Variants in SNED1 observed in about 807,000 individuals in gnomAD.
The protein encoded by SNED1 is sushi, nidogen and EGF like domains 1, also known as sushi, nidogen and EGF-like domain-containing protein 1.
SNED1 carries 81 observed loss-of-function variants against 166.7 expected under a neutral mutation model. The observed-to-expected ratio is 0.49, with a 90% CI of 0.41 to 0.58. SNED1 has a LOEUF of 0.58. Among genes scored for constraint, SNED1 ranks in the 20% least tolerant of loss-of-function variants. SNED1 has a pLI of 0.00. For missense variants in SNED1, 1,604 were observed against 2,000.2 expected (o/e 0.80, Z 3.78); for synonymous variants, 762 against 822.0 (o/e 0.93, Z 1.25).
chr2:241,046,496 C>T (rs553637844), intron 8 of SNED1, among the ~76,000 whole-genome samples: 13 of 152,176 alleles, frequency 8.5e-5, no homozygotes, highest in East Asian at 1.9e-4. Flanking sequence ...TAGATACATA[C>T]GACAACTTAG....
At chr2:241,033,598 G>A (rs372105793) in intron 2 of SNED1, 137 bp from the exon 3 acceptor site, 230 of 1,016,826 alleles carry the variant, frequency 2.3e-4, no homozygotes, top group Middle Eastern at 2.2e-3. Context: ...TCGGCTGCCC[G>A]TCCAGCTGGA....
rs532412392 is a variant in SNED1, at chr2:241,068,495, G to T, written c.3195-416G>T. ...AGATCGGAGAGCGAGTGGGAAGGAAGACTCCAGCCAGCAGCTTCCTGGGGC... is the reference window on the plus strand; with the variant it reads ...AGATCGGAGAGCGAGTGGGAAGGAATACTCCAGCCAGCAGCTTCCTGGGGC... On this transcript the variant is annotated intron_variant, in intron 22 of 31. Coordinates refer to ENST00000310397, the MANE Select transcript of SNED1 (RefSeq NM_001080437.3). This position sits in a 1 kb window ranked among gnomAD's most constrained non-coding sequence, Gnocchi z 5.3. 1.3e-5 allele frequency among the ~76,000 whole-genome samples: 2 copies of T among 152,152 alleles called. No homozygotes were observed. The highest frequency in any genetic ancestry group is 3.9e-4 in the East Asian group (2 of 5,152).
chr2:241,068,240 T>C lies in SNED1; in HGVS notation c.3194+293T>C, dbSNP rs1179277294. On this transcript the variant is annotated intron_variant, in intron 22 of 31. Transcript: ENST00000310397. The surrounding 1 kb of genome is among the most constrained non-coding windows in gnomAD (Gnocchi z 5.3). ...GGGGGCACACTTTCCACACAGATCA[T>C]GAGAGTGACTTGGCCCCTCAGAGAG... Among the ~76,000 whole-genome samples the C allele has an allele frequency of 1.3e-5, 2 of 148,982 alleles. No homozygotes were observed. Among genetic ancestry groups the C allele is most frequent in the Admixed American group, 6.7e-5 (1 of 14,888 alleles).
At chr2:241,033,709 CCT>C in intron 2 of SNED1, 24 bp from the exon 3 acceptor site, 1 of 1,603,224 alleles carries the variant, frequency 6.2e-7, no homozygotes, top group Non-Finnish European at 8.5e-7. Context: ...AGTGCAGGGC[CCT>C]GTTCAGCCCC....
chr2:241,087,213 C>A, intron 29 of SNED1, 179 bp from the exon 30 acceptor site: 1 of 592,178 alleles, frequency 1.7e-6, no homozygotes, highest in Non-Finnish European at 3.0e-6. Flanking sequence ...TATTACAAAT[C>A]ACATGACCTT....
chr2:241,025,928 A>G (rs967362884), intron 1 of SNED1, among the ~76,000 whole-genome samples: 124 of 148,982 alleles, frequency 8.3e-4, no homozygotes, highest in Middle Eastern at 3.5e-3. Flanking sequence ...ATAGAAAAAG[A>G]AAAAAAAAAT....
chr2:241,080,937 A>T (rs758081), intron 27 of SNED1, among the ~76,000 whole-genome samples: 50,152 of 152,172 alleles, frequency 0.33, 12,223 homozygotes, highest in African/African-American at 0.67. Flanking sequence ...AGCGACAGGG[A>T]CAGACACAGG....
chr2:241,060,889 C>T (rs78505365), intron 16 of SNED1, among the ~76,000 whole-genome samples: 6,073 of 151,896 alleles, frequency 0.04, 188 homozygotes, highest in East Asian at 0.12. Flanking sequence ...GTGATTGCAC[C>T]GCTGCATTCC....
At chr2:240,998,611 C>G (rs945200530), upstream of SNED1, among the ~76,000 whole-genome samples, 1 of 151,892 alleles carries the variant, frequency 6.6e-6, no homozygotes, top group Non-Finnish European at 1.5e-5. Context: ...GCCCCAGGGG[C>G]GGGGCTGGCC....
rs2061756509 is a variant in SNED1, at chr2:241,049,286, T to A, written c.1618+151T>A. Among the ~76,000 whole-genome samples the A allele has an allele frequency of 1.3e-5, 2 of 152,150 alleles. 1 individual carries two copies. The highest frequency in any genetic ancestry group is 1.3e-4 in the Admixed American group (2 of 15,288). On this transcript the variant is annotated intron_variant, in intron 11 of 31. Transcript: ENST00000310397. ...CTGGGGAAGCCTCTCTCAATAGCCT[T>A]CCTGTAATATGGGGCTAGACATCTC...
At chr2:241,011,718 G>A (rs1574858492) in intron 1 of SNED1, among the ~76,000 whole-genome samples, 1 of 152,250 alleles carries the variant, frequency 6.6e-6, no homozygotes, top group African/African-American at 2.4e-5. Flanking sequence ...GCTGGGGAGA[G>A]AGGGGTTGCC....
intron 27 of SNED1, 25 bp from the exon 28 acceptor site, chr2:241,081,652 A>G: frequency 3.3e-6 from 5 of 1,536,024 alleles, no homozygotes; most frequent in Non-Finnish European, 4.4e-6. Flanking sequence ...TCCAGTGACT[A>G]ACCTCTCGTG....
chr2:241,049,587 G>C (rs903669124), intron 11 of SNED1, among the ~76,000 whole-genome samples: 1 of 152,174 alleles, frequency 6.6e-6, no homozygotes, highest in Non-Finnish European at 1.5e-5. Flanking sequence ...GTCCTGCCTC[G>C]TAGAAGACGG....
rs773995103 is a variant in SNED1, at chr2:241,049,174, C to T, written c.1618+39C>T. On this transcript the variant is annotated intron_variant, in intron 11 of 31. Transcript: ENST00000310397. Reference sequence around the variant, plus strand: ...GGACGAGCCTGCTGGGCCGGGGGCCCGGACAGAAGCCAGGGAGAAAGCGGT... The same window carrying T: ...GGACGAGCCTGCTGGGCCGGGGGCCTGGACAGAAGCCAGGGAGAAAGCGGT... 4.0e-6 allele frequency: 6 copies of T among 1,506,304 alleles called. 1 individual carries two copies. Among genetic ancestry groups the T allele is most frequent in the East Asian group, 2.4e-5 (1 of 42,440 alleles). The allele number at this position is 1,506,304 out of a possible 1,614,324, so 93.3% of individuals were successfully genotyped here. A position where few individuals can be genotyped will look rare whatever the true frequency, so the allele number is the denominator to read the frequency against.
At chr2:241,011,912 C>T (rs768837543) in intron 1 of SNED1, among the ~76,000 whole-genome samples, 7 of 152,184 alleles carry the variant, frequency 4.6e-5, no homozygotes, top group East Asian at 1.9e-4. Flanking sequence ...GGGACAGGGC[C>T]GGCTTGTTCT....
At chr2:241,025,081 C>A (rs2060913801) in intron 1 of SNED1, among the ~76,000 whole-genome samples, 1 of 152,194 alleles carries the variant, frequency 6.6e-6, no homozygotes, top group African/African-American at 2.4e-5. Flanking sequence ...CAGACCAGTA[C>A]TGGTCTGTGG....
At chr2:241,060,681 G>A (rs1439138899) in intron 16 of SNED1, among the ~76,000 whole-genome samples, 1 of 152,092 alleles carries the variant, frequency 6.6e-6, no homozygotes, top group Non-Finnish European at 1.5e-5. Context: ...CATGGCTCAT[G>A]CCTATAATCC....
rs749301672 is a variant in SNED1 at position 241,063,975 on chromosome 2, C to G, written c.2486-37C>G. 30 of 1,443,088 alleles carry G rather than the reference C, an allele frequency of 2.1e-5. No individual in the cohort carries two copies. The East Asian group carries it at 3.5e-4, about 17-fold the overall frequency. The allele number at this position is 1,443,088 out of a possible 1,614,324, so 89.4% of individuals were successfully genotyped here. A position where few individuals can be genotyped will look rare whatever the true frequency, so the allele number is the denominator to read the frequency against. On this transcript the variant is annotated intron_variant, in intron 18 of 31. Transcript: ENST00000310397. ...CTCTCCTCCCTCCCCCAGACTCCCCCCTTGCAGCTTGGGCCCACTCTCTGG... is the reference window on the plus strand; with the variant it reads ...CTCTCCTCCCTCCCCCAGACTCCCCGCTTGCAGCTTGGGCCCACTCTCTGG...
At chr2:241,043,308 C>T (rs1433790237) in intron 8 of SNED1, among the ~76,000 whole-genome samples, 3 of 152,076 alleles carry the variant, frequency 2.0e-5, no homozygotes, top group Admixed American at 2.0e-4. Context: ...AAGAATGAAA[C>T]AGACTTCTCG....
Sources: allele counts gnomAD v4.1 joint callset (sites outside exome capture counted in the v4.1 genomes callset), GRCh38; gene constraint gnomAD v4.1.1; non-coding constraint Gnocchi (gnomAD v3.1); transcripts MANE v1.5; gene names NCBI Gene and HGNC (gene_info 2026-07-23, HGNC 2026-07-21).